Variants in KLHL23 observed in about 807,000 individuals in gnomAD.
KLHL23 encodes kelch like family member 23, also known as kelch-like protein 23.
A neutral mutation model predicts 48.9 loss-of-function variants in KLHL23; 33 were observed. That is an observed-to-expected ratio of 0.67 (90% CI 0.51 to 0.90). KLHL23 has a LOEUF of 0.90. KLHL23 is among the 40% of genes least tolerant of loss of function. KLHL23 has a pLI of 0.00. For missense variants in KLHL23, 608 were observed against 669.6 expected (o/e 0.91, Z 1.02); for synonymous variants, 234 against 231.6 (o/e 1.01, Z -0.09).
intron 3 of KLHL23, among the ~76,000 whole-genome samples, chr2:169,747,025 G>A (rs1688805547): frequency 6.6e-6 from 1 of 152,124 alleles, no homozygotes; most frequent in Non-Finnish European, 1.5e-5. Flanking sequence ...TTGGATGTCA[G>A]TAACGAGAAA....
At chr2:169,747,996 T>A (rs1191035933) in intron 3 of KLHL23, among the ~76,000 whole-genome samples, 1 of 152,074 alleles carries the variant, frequency 6.6e-6, no homozygotes. Context: ...TGATGATGTG[T>A]ACCTATAGTC....
At chr2:169,745,587 T>A (rs1558949786) in intron 3 of KLHL23, among the ~76,000 whole-genome samples, 1 of 142,910 alleles carries the variant, frequency 7.0e-6, no homozygotes, top group Non-Finnish European at 1.5e-5. Flanking sequence ...AGCAAGGGGA[T>A]CTACTAACAC....
At position 169,746,783 on chromosome 2, in the gene KLHL23, G is replaced by C. The variant is rs192740837; in HGVS notation, c.1367-2639G>C. ...TATGAATCAAAAATTGGGGTGTTTTGATAAACTTCAAGTAATTTAAGAAAA... is the reference window on the plus strand; with the variant it reads ...TATGAATCAAAAATTGGGGTGTTTTCATAAACTTCAAGTAATTTAAGAAAA... On this transcript the variant is annotated intron_variant, in intron 3 of 3. Coordinates refer to ENST00000392647, the MANE Select transcript of KLHL23 (RefSeq NM_144711.6). Among the ~76,000 whole-genome samples the C allele has an allele frequency of 5.1e-3, 778 of 152,274 alleles. 4 individuals carry two copies. Among genetic ancestry groups the C allele is most frequent in the Non-Finnish European group, 7.5e-3 (513 of 68,010 alleles).
intron 1 of KLHL23, among the ~76,000 whole-genome samples, 167 bp downstream of exon 1, chr2:169,734,254 G>C (rs1688455772): frequency 6.8e-6 from 1 of 147,024 alleles, no homozygotes; most frequent in Admixed American, 6.8e-5. Flanking sequence ...CGGGCCGAAC[G>C]CGTTGCGCTG....
At chr2:169,739,549 T>C (rs75459822) in intron 2 of KLHL23, among the ~76,000 whole-genome samples, 4,919 of 152,252 alleles carry the variant, frequency 0.032, 104 homozygotes, top group East Asian at 0.1. Flanking sequence ...CCTCCTCTCA[T>C]CTATACTTGC....
rs1688966511 is a variant in KLHL23 at position 169,751,424 on chromosome 2, CACAATATGGT to C, written c.*1695_*1704del. 1 of 152,138 alleles carries C rather than the reference CACAATATGGT, an allele frequency of 6.6e-6. No homozygotes were observed. The highest frequency in any genetic ancestry group is 2.1e-4 in the South Asian group (1 of 4,830). The allele number at this position is 152,138 out of a possible 1,614,324, so 9.4% of individuals were successfully genotyped here. A position where few individuals can be genotyped will look rare whatever the true frequency, so the allele number is the denominator to read the frequency against. On this transcript the variant is annotated 3_prime_UTR_variant, in exon 4 of 4. Coordinates refer to ENST00000392647, the MANE Select transcript of KLHL23 (RefSeq NM_144711.6). ...TTAAATAGATACAACCCTTTGGAAA[CACAATATGGT>C]ACTACATAGCAAGGGCTGTAAAAAT...
chr2:169,739,146 C>T (rs1185454598), intron 2 of KLHL23, among the ~76,000 whole-genome samples: 2 of 143,172 alleles, frequency 1.4e-5, no homozygotes, highest in Non-Finnish European at 3.0e-5. Context: ...ACCTCAAAAT[C>T]GGTTTGGTTT....
At chr2:169,739,933 CTT>C (rs1268357649) in intron 2 of KLHL23, among the ~76,000 whole-genome samples, 1 of 152,086 alleles carries the variant, frequency 6.6e-6, no homozygotes, top group Non-Finnish European at 1.5e-5. Context: ...AATGGTAAGT[CTT>C]TGTGTATCTA....
chr2:169,749,359 G>A, intron 3 of KLHL23, 63 bp from the exon 4 acceptor site: 14 of 1,445,590 alleles, frequency 9.7e-6, no homozygotes, highest in Non-Finnish European at 1.2e-5. Flanking sequence ...TTACCACACT[G>A]TGGAATCTCT....
chr2:169,746,489 C>T (rs766414569), intron 3 of KLHL23, among the ~76,000 whole-genome samples: 1 of 152,216 alleles, frequency 6.6e-6, no homozygotes, highest in African/African-American at 2.4e-5. Context: ...TTTGTTCACT[C>T]ATTCATGTCT....
At chr2:169,740,550 G>A (rs1312050724) in intron 2 of KLHL23, among the ~76,000 whole-genome samples, 2 of 149,548 alleles carry the variant, frequency 1.3e-5, no homozygotes, top group African/African-American at 2.5e-5. Flanking sequence ...CTGGGTTCAC[G>A]CCATTCTCCT....
chr2:169,746,666 G>A (rs1251382489), intron 3 of KLHL23, among the ~76,000 whole-genome samples: 8 of 152,310 alleles, frequency 5.3e-5, no homozygotes, highest in Non-Finnish European at 1.0e-4. Flanking sequence ...AATAGAACAT[G>A]TGTTGTATTT....
rs1688881544 is a variant in KLHL23 at position 169,749,298 on chromosome 2, A to C, written c.1367-124A>C. ...TTGCAGTATTGTGTGCCTGAATCAA[A>C]ATACCACCACTCCCTATTTTTTGTG... On this transcript the variant is annotated intron_variant, in intron 3 of 3. Coordinates refer to ENST00000392647, the MANE Select transcript of KLHL23 (RefSeq NM_144711.6). 2.8e-6 allele frequency: 3 copies of C among 1,078,750 alleles called. No homozygotes were observed. The Admixed American group carries it at 8.7e-5, about 31-fold the overall frequency. 66.8% of individuals were successfully genotyped at this position (1,078,750 alleles called of 1,614,324 possible).
At position 169,745,106 on chromosome 2, in the gene KLHL23, G is replaced by A. The variant is rs549481877; in HGVS notation, c.1366+3569G>A. On this transcript the variant is annotated intron_variant, in intron 3 of 3. Transcript: ENST00000392647. ...TTTTGTATTTTTTTTTAGTAGAGAC[G>A]GGGTTTCACTATGTTGGCCAGGCTG... Among the ~76,000 whole-genome samples, 356 of 151,508 alleles carry A rather than the reference G, an allele frequency of 2.3e-3. 1 individual carries two copies. The highest frequency in any genetic ancestry group is 8.3e-3 in the African/African-American group (344 of 41,362).
In KLHL23 at chr2:169,748,782, C is replaced by G. The variant is rs1007527228; in HGVS notation, c.1367-640C>G. ...CTAGGAGGAGGACCGCCCCCCCCCC[C>G]CCCCATATACATACTTCCAGCCCCA... On this transcript the variant is annotated intron_variant, in intron 3 of 3. Transcript: ENST00000392647. Among the ~76,000 whole-genome samples the G allele has an allele frequency of 1.3e-4, 15 of 112,116 alleles. 2 individuals carry two copies. Among genetic ancestry groups the G allele is most frequent in the South Asian group, 3.6e-4 (1 of 2,810 alleles). 73.6% of individuals were successfully genotyped at this position (112,116 alleles called of 152,430 possible). A position where few individuals can be genotyped will look rare whatever the true frequency, so the allele number is the denominator to read the frequency against.
At chr2:169,747,700 G>A (rs568344144) in intron 3 of KLHL23, among the ~76,000 whole-genome samples, 7 of 152,170 alleles carry the variant, frequency 4.6e-5, no homozygotes, top group African/African-American at 1.4e-4. Flanking sequence ...GGACACAAGC[G>A]TACAAAGTAC....
rs1558952810 is a variant in KLHL23, at chr2:169,750,129, C to CGTGTGTATGTATACATATATGTGT, written c.*397_*398insGTGTGTATGTATACATATATGTGT. Reference sequence around the variant, plus strand: ...ATATATATGTGTGTATATATATACACATATATACGTATATATGTGTATATA... The same window carrying CGTGTGTATGTATACATATATGTGT: ...ATATATATGTGTGTATATATATACACGTGTGTATGTATACATATATGTGTATATATACGTATATATGTGTATATA... On this transcript the variant is annotated 3_prime_UTR_variant, in exon 4 of 4. Coordinates refer to ENST00000392647, the MANE Select transcript of KLHL23 (RefSeq NM_144711.6). The CGTGTGTATGTATACATATATGTGT allele has an allele frequency of 2.0e-5, 1 of 50,542 alleles. No individual in the cohort carries two copies. Among genetic ancestry groups the CGTGTGTATGTATACATATATGTGT allele is most frequent in the Non-Finnish European group, 4.0e-5 (1 of 25,154 alleles). The allele number at this position is 50,542 out of a possible 1,614,324, so 3.1% of individuals were successfully genotyped here.
intron 3 of KLHL23, among the ~76,000 whole-genome samples, chr2:169,747,728 A>G (rs961416590): frequency 2.6e-5 from 4 of 152,190 alleles, no homozygotes; most frequent in Non-Finnish European, 5.9e-5. Context: ...TCATTATTCA[A>G]CACATATTTA....
chr2:169,750,552 ACC>A lies in KLHL23; in HGVS notation c.*822_*823del. On this transcript the variant is annotated 3_prime_UTR_variant, in exon 4 of 4. Coordinates refer to ENST00000392647, the MANE Select transcript of KLHL23 (RefSeq NM_144711.6). ...AATCTTCTCTACCTCTACAAAATCA[ACC>A]CTTAACACTTTTTTCACCTTCAGAA... The A allele has an allele frequency of 6.6e-6, 1 of 151,986 alleles. No individual in the cohort carries two copies. Among genetic ancestry groups the A allele is most frequent in the East Asian group, 1.9e-4 (1 of 5,190 alleles). The allele number at this position is 151,986 out of a possible 1,614,324, so 9.4% of individuals were successfully genotyped here.
Sources: allele counts gnomAD v4.1 joint callset (sites outside exome capture counted in the v4.1 genomes callset), GRCh38; gene constraint gnomAD v4.1.1; transcripts MANE v1.5; gene names NCBI Gene and HGNC (gene_info 2026-07-23, HGNC 2026-07-21).